Variants in IL1RAPL2 observed in about 807,000 individuals in gnomAD.
IL1RAPL2 encodes the protein X-linked interleukin-1 receptor accessory protein-like 2.
IL1RAPL2 carries 3 observed loss-of-function variants against 44.1 expected under a neutral mutation model. That is an observed-to-expected ratio of 0.07 (90% CI 0.03 to 0.18). The LOEUF is 0.18. IL1RAPL2 is among the 10% of genes least tolerant of loss of function. IL1RAPL2 has a pLI of 1.00. For missense variants in IL1RAPL2, 391 were observed against 496.4 expected (o/e 0.79, Z 2.02); for synonymous variants, 181 against 178.8 (o/e 1.01, Z -0.10).
At chrX:105,150,618 AG>A (rs2033218740) in intron 2 of IL1RAPL2, among the ~76,000 whole-genome samples, 1 of 112,138 alleles carries the variant, frequency 8.9e-6, no homozygotes, top group Admixed American at 9.5e-5. Flanking sequence ...CTTAGGGGAA[AG>A]AACTAAGTGA....
chrX:104,837,726 G>C (rs1228034086), intron 2 of IL1RAPL2, among the ~76,000 whole-genome samples: 1 of 111,723 alleles, frequency 9.0e-6, no homozygotes, highest in African/African-American at 3.3e-5. Context: ...AAGCTCTTTA[G>C]TTTAATTAGA....
chrX:104,910,091 A>G (rs988782070), intron 2 of IL1RAPL2, among the ~76,000 whole-genome samples: 2 of 112,369 alleles, frequency 1.8e-5, no homozygotes, highest in South Asian at 3.7e-4. Context: ...AAAGCGCAGT[A>G]TTCGGTTGGG....
chrX:105,400,251 A>G (rs2035597443), intron 5 of IL1RAPL2, among the ~76,000 whole-genome samples: 1 of 111,197 alleles, frequency 9.0e-6, no homozygotes, highest in Non-Finnish European at 1.9e-5. Context: ...TATAGTCACC[A>G]CCCTTTTCCA....
chrX:105,548,861 T>A (rs1288692558), intron 6 of IL1RAPL2, among the ~76,000 whole-genome samples: 1 of 112,419 alleles, frequency 8.9e-6, no homozygotes, highest in East Asian at 2.8e-4. Context: ...TGGTAGCTAT[T>A]AGCATTATCA....
chrX:104,974,463 A>G (rs1446333918), intron 2 of IL1RAPL2, among the ~76,000 whole-genome samples: 1 of 112,566 alleles, frequency 8.9e-6, no homozygotes, highest in East Asian at 2.8e-4. Context: ...CTGTATATAC[A>G]CTTAAACACA....
chrX:105,697,952 C>T (rs1410495216), intron 6 of IL1RAPL2, among the ~76,000 whole-genome samples: 1 of 111,036 alleles, frequency 9.0e-6, no homozygotes, highest in African/African-American at 3.3e-5. Flanking sequence ...TCTATGGAAT[C>T]ACTACATTAA....
At chrX:105,463,571 CACA>C (rs1218562000) in intron 5 of IL1RAPL2, among the ~76,000 whole-genome samples, 5 of 1,876 alleles carry the variant, frequency 2.7e-3, no homozygotes, top group Non-Finnish European at 0.014. Context: ...CTCTCTCTCC[CACA>C]CACACACACA....
chrX:105,709,994 A>C (rs899696542), intron 6 of IL1RAPL2, among the ~76,000 whole-genome samples: 2 of 110,872 alleles, frequency 1.8e-5, no homozygotes, highest in African/African-American at 6.6e-5. Context: ...GTGTACCAAA[A>C]CAATAACAAC....
intron 2 of IL1RAPL2, among the ~76,000 whole-genome samples, chrX:105,144,098 T>G (rs1266654738): frequency 2.7e-5 from 2 of 74,106 alleles, no homozygotes; most frequent in Admixed American, 2.7e-4. Context: ...CAGATGGGTG[T>G]GTGTGTGTGT....
At chrX:105,339,452 CAG>C (rs2035054111) in intron 5 of IL1RAPL2, among the ~76,000 whole-genome samples, 1 of 111,545 alleles carries the variant, frequency 9.0e-6, no homozygotes, top group African/African-American at 3.3e-5. Context: ...AAACTAAAGA[CAG>C]GGAGATGATG....
chrX:105,520,089 T>C (rs777878515), intron 6 of IL1RAPL2, among the ~76,000 whole-genome samples: 1 of 111,943 alleles, frequency 8.9e-6, no homozygotes, highest in African/African-American at 3.2e-5. Context: ...AAGGCTCTTT[T>C]GATTGTATGC....
Position 105,358,688 on chromosome X carries a change from AC to A in IL1RAPL2, c.697+91148del, listed in dbSNP as rs1787990078. On this transcript the variant is annotated intron_variant, in intron 5 of 10. Transcript: ENST00000372582. ...AGACCCTGTCTCAAAAAAAAAAAAC[AC>A]AACAACAACAAACAAAAAAAAAAAA... Among the ~76,000 whole-genome samples the A allele has an allele frequency of 3.2e-4, 5 of 15,444 alleles. No homozygotes were observed. The Non-Finnish European group carries it at 0.015, about 47-fold the overall frequency. The allele number at this position is 15,444 out of a possible 115,157, so 13.4% of individuals were successfully genotyped here.
At chrX:105,531,415 A>G (rs1165599821) in intron 6 of IL1RAPL2, among the ~76,000 whole-genome samples, 1 of 111,821 alleles carries the variant, frequency 8.9e-6, no homozygotes, top group Non-Finnish European at 1.9e-5. Context: ...GTTTTTCCCC[A>G]TAGAATTGTT....
chrX:105,093,997 T>C (rs1391244452), intron 2 of IL1RAPL2, among the ~76,000 whole-genome samples: 1 of 111,932 alleles, frequency 8.9e-6, no homozygotes, highest in Non-Finnish European at 1.9e-5. Flanking sequence ...CTGGAATCCT[T>C]ACTTGGCAAT....
chrX:105,531,136 G>T (rs2036632582), intron 6 of IL1RAPL2, among the ~76,000 whole-genome samples: 2 of 111,366 alleles, frequency 1.8e-5, no homozygotes, highest in Admixed American at 1.9e-4. Context: ...TTGAGTTTTA[G>T]TTTTTTGAGG....
intron 2 of IL1RAPL2, among the ~76,000 whole-genome samples, chrX:105,098,513 G>C (rs2032631616): frequency 8.9e-6 from 1 of 111,932 alleles, no homozygotes; most frequent in Non-Finnish European, 1.9e-5. Flanking sequence ...CATGGTGTCT[G>C]CCTGGACACA....
At chrX:105,250,467 A>G (rs970758043) in intron 4 of IL1RAPL2, among the ~76,000 whole-genome samples, 1 of 111,104 alleles carries the variant, frequency 9.0e-6, no homozygotes, top group Non-Finnish European at 1.9e-5. Context: ...TAATATGTAG[A>G]AAACTTGATG....
chrX:104,742,464 G>T (rs1441854457), intron 2 of IL1RAPL2, among the ~76,000 whole-genome samples: 1 of 111,492 alleles, frequency 9.0e-6, no homozygotes, highest in African/African-American at 3.3e-5. Flanking sequence ...CAAGGGTGAG[G>T]CTCTCAGTCT....
chrX:105,320,197 C>T (rs769860377), intron 5 of IL1RAPL2, among the ~76,000 whole-genome samples: 2 of 111,569 alleles, frequency 1.8e-5, no homozygotes, highest in Non-Finnish European at 3.8e-5. Flanking sequence ...TGGGCAGCTA[C>T]GATAGAACTG....
Sources: gnomAD v4.1 joint callset for allele counts (sites outside exome capture counted in the v4.1 genomes callset) on GRCh38, gnomAD v4.1.1 for gene constraint, MANE v1.5 for transcripts, NCBI Gene and HGNC (gene_info 2026-07-23, HGNC 2026-07-21) for gene names.